The following SPTB variants were observed in gnomAD, a reference collection of about 807,000 sequenced individuals.
The protein encoded by SPTB is spectrin beta chain, erythrocytic.
SPTB carries 45 observed loss-of-function variants against 256.2 expected under a neutral mutation model. The ratio of observed to expected loss-of-function variants is 0.18; its 90% CI spans 0.14 to 0.23. SPTB has a LOEUF of 0.23. SPTB is among the 10% of genes least tolerant of loss of function. SPTB has a pLI of 1.00. For synonymous variants in SPTB, 1,231 were observed against 1,243.1 expected (o/e 0.99, Z 0.21); for missense variants, 2,715 against 3,040.4 (o/e 0.89, Z 2.52).
rs929853070 is a variant in SPTB, at chr14:64,772,900, C to G, written c.5233G>C (p.Glu1745Gln). Residue 1745 changes from glutamate (E) to glutamine (Q), a missense_variant, in exon 26 of 36, where the codon GAG becomes CAG. Glu to Gln is a conservative substitution (Grantham distance 29, BLOSUM62 2). Around this residue, in one of 4 missense-constraint regions of SPTB, gnomAD observed 2,239 missense variants for 2,384.4 expected, o/e 0.94. Transcript: ENST00000644917. This position sits in a 1 kb window ranked among gnomAD's most constrained non-coding sequence, Gnocchi z 5.4. Reference sequence around the variant, plus strand: ...AAGGCATTCACATTGTCCACCCGCTCCTGCCCAATCGCCCCGGTCTCCCGG... The same window carrying G: ...AAGGCATTCACATTGTCCACCCGCTGCTGCCCAATCGCCCCGGTCTCCCGG... ...FARETGAIGQ[E>Q]RVDNVNAFIE... is the part of the protein sequence containing the mutation. The G allele has an allele frequency of 6.2e-6, 10 of 1,605,892 alleles. No homozygotes were observed. Among genetic ancestry groups the G allele is most frequent in the Non-Finnish European group, 8.5e-6 (10 of 1,174,464 alleles).
intron 1 of SPTB, among the ~76,000 whole-genome samples, chr14:64,830,792 G>A (rs1240347765): frequency 6.6e-6 from 1 of 152,036 alleles, no homozygotes; most frequent in Non-Finnish European, 1.5e-5. Context: ...ACCATTTGGT[G>A]CTGAGCTCAC....
chr14:64,794,414 A>G, intron 13 of SPTB, 53 bp downstream of exon 13: 1 of 1,609,582 alleles, frequency 6.2e-7, no homozygotes, highest in South Asian at 1.1e-5. Flanking sequence ...GTTAGGCCAG[A>G]GGTGAGGCTC....
intron 15 of SPTB, among the ~76,000 whole-genome samples, chr14:64,788,314 G>T (rs1484139332): frequency 1.3e-5 from 2 of 152,228 alleles, no homozygotes; most frequent in Non-Finnish European, 2.9e-5. Flanking sequence ...GGGGATGGAG[G>T]CTGAGGGACT....
chr14:64,753,428 G>T, intron 33 of SPTB, 109 bp downstream of exon 33: 1 of 1,560,814 alleles, frequency 6.4e-7, no homozygotes. Context: ...GGCCAAGGCA[G>T]AAGGCACCCC....
chr14:64,796,505 G>C lies in SPTB; in HGVS notation c.1341+52C>G. Reference sequence around the variant, plus strand: ...GGACTCCAGCCCAGCCAAGAGCTGGGGGCTCTGAAGAATGTCCCCTCTCCT... The same window carrying C: ...GGACTCCAGCCCAGCCAAGAGCTGGCGGCTCTGAAGAATGTCCCCTCTCCT... On this transcript the variant is annotated intron_variant, in intron 11 of 35. Transcript: ENST00000644917. This position sits in a 1 kb window ranked among gnomAD's most constrained non-coding sequence, Gnocchi z 4.1. 1 of 1,612,726 alleles carries C rather than the reference G, an allele frequency of 6.2e-7. No individual in the cohort carries two copies. The highest frequency in any genetic ancestry group is 1.1e-5 in the South Asian group (1 of 90,990).
chr14:64,842,702 G>C (rs1041567010), intron 1 of SPTB, among the ~76,000 whole-genome samples: 5 of 152,140 alleles, frequency 3.3e-5, no homozygotes, highest in African/African-American at 9.7e-5. Context: ...CAGCTCAGAA[G>C]AACAAATTGT....
chr14:64,843,072 A>T (rs1260890870), intron 1 of SPTB, among the ~76,000 whole-genome samples: 1 of 152,114 alleles, frequency 6.6e-6, no homozygotes, highest in East Asian at 1.9e-4. Context: ...CTCAAAAAAA[A>T]AGGGGGAGGG....
At position 64,799,949 on chromosome 14, in the gene SPTB, TCTTA is replaced by T. The variant is rs1566771066; in HGVS notation, c.877-19_877-16del. ...TGGTCAATAACCTAAGGAATCATCT[TCTTA>T]CTTATTCTCATCAGAAGGGCAATGC... On this transcript the variant is annotated splice_polypyrimidine_tract_variant and intron_variant, in intron 8 of 35. Transcript: ENST00000644917. 2 of 1,613,810 alleles carry T rather than the reference TCTTA, an allele frequency of 1.2e-6. No individual in the cohort carries two copies. Among genetic ancestry groups the T allele is most frequent in the Admixed American group, 1.7e-5 (1 of 60,032 alleles).
At position 64,829,636 on chromosome 14, in the gene SPTB, T is replaced by C. The variant is rs369290875; in HGVS notation, c.-51-6491A>G. On this transcript the variant is annotated intron_variant, in intron 1 of 35. Transcript: ENST00000644917. Reference sequence around the variant, plus strand: ...GTGCTTCAGCAAAATAAGAAGCAGCTTATTGACTTGGAGTGATCTACTTAT... The same window carrying C: ...GTGCTTCAGCAAAATAAGAAGCAGCCTATTGACTTGGAGTGATCTACTTAT... 5.9e-5 allele frequency among the ~76,000 whole-genome samples: 9 copies of C among 152,362 alleles called. No homozygotes were observed. In the South Asian group the frequency reaches 1.7e-3, roughly 28 times the overall value.
intron 1 of SPTB, among the ~76,000 whole-genome samples, chr14:64,848,995 C>A (rs2083737132): frequency 6.6e-6 from 1 of 152,156 alleles, no homozygotes; most frequent in Admixed American, 6.5e-5. Flanking sequence ...GGATCATAAT[C>A]CCTTATTTGC....
rs555205181 is a variant in SPTB, at chr14:64,807,115, T to A, written c.149-2025A>T. Among the ~76,000 whole-genome samples the A allele has an allele frequency of 6.6e-6, 1 of 152,264 alleles. No homozygotes were observed. Among genetic ancestry groups the A allele is most frequent in the East Asian group, 1.9e-4 (1 of 5,188 alleles). On this transcript the variant is annotated intron_variant, in intron 2 of 35. Coordinates refer to ENST00000644917, the MANE Select transcript of SPTB (RefSeq NM_001355436.2). This position sits in a 1 kb window ranked among gnomAD's most constrained non-coding sequence, Gnocchi z 4.7. Reference sequence around the variant, plus strand: ...AACAGAGCCAGCCACAGTCCCACAGTTTTTTCCCTAGAAACCAGATCTATT... The same window carrying A: ...AACAGAGCCAGCCACAGTCCCACAGATTTTTCCCTAGAAACCAGATCTATT...
intron 15 of SPTB, among the ~76,000 whole-genome samples, chr14:64,789,470 A>G (rs11851199): frequency 0.068 from 10,343 of 152,312 alleles, 475 homozygotes; most frequent in East Asian, 0.22. Flanking sequence ...CAAAGAAAAA[A>G]TAAAAGAAGG....
Position 64,801,848 on chromosome 14 carries a change from A to C in SPTB, c.567-14T>G. 1 of 1,611,968 alleles carries C rather than the reference A, an allele frequency of 6.2e-7. No homozygotes were observed. Among genetic ancestry groups the C allele is most frequent in the Non-Finnish European group, 8.5e-7 (1 of 1,178,000 alleles). On this transcript the variant is annotated splice_polypyrimidine_tract_variant and intron_variant, in intron 5 of 35. Transcript: ENST00000644917. ...ACATGAGGGTAGCTGCATCCAAGAG[A>C]AACAGTAAGAGCTAAGAATTAGATT...
intron 4 of SPTB, 126 bp downstream of exon 4, chr14:64,803,481 T>A (rs747139824): frequency 3.7e-5 from 44 of 1,182,050 alleles, no homozygotes; most frequent in Middle Eastern, 5.5e-4. Flanking sequence ...CTGTCCCATG[T>A]GGCAGATTTA....
chr14:64,791,958 C>T, intron 14 of SPTB, 102 bp from the exon 15 acceptor site: 1 of 1,478,204 alleles, frequency 6.8e-7, no homozygotes, highest in Non-Finnish European at 9.2e-7. Context: ...CTTGCTTTCT[C>T]CTTCCACTGC....
In SPTB at chr14:64,826,514, C is replaced by T. The variant is rs1015023091; in HGVS notation, c.-51-3369G>A. 2.6e-5 allele frequency among the ~76,000 whole-genome samples: 4 copies of T among 152,182 alleles called. No homozygotes were observed. The highest frequency in any genetic ancestry group is 7.2e-5 in the African/African-American group (3 of 41,442). On this transcript the variant is annotated intron_variant, in intron 1 of 35. Transcript: ENST00000644917. The surrounding 1 kb of genome is among the most constrained non-coding windows in gnomAD (Gnocchi z 4.4). The stretch of plus-strand genomic sequence containing the variant: ...TTTTCAAAGATATAAGTCATCTGCA[C>T]ATCTAGAGTGGCCTTCCATGAGTCA...
In SPTB at chr14:64,749,403, G is replaced by T; in HGVS notation, c.6890C>A (p.Ala2297Glu). 1 of 1,608,188 alleles carries T rather than the reference G, an allele frequency of 6.2e-7. No individual in the cohort carries two copies. The highest frequency in any genetic ancestry group is 8.5e-7 in the Non-Finnish European group (1 of 1,179,730). ...INESQSIRVK[A>E]QSLPLPSLSG... Reference sequence around the variant, plus strand: ...GAGGGAAGGCAGGGGCAGGCTCTGCGCCTTGACGCGGATGCTCTGGGACTC... The same window carrying T: ...GAGGGAAGGCAGGGGCAGGCTCTGCTCCTTGACGCGGATGCTCTGGGACTC... Residue 2297 changes from alanine (A) to glutamate (E), a missense_variant, in exon 36 of 36, where the codon GCG becomes GAG. Around this residue, in one of 4 missense-constraint regions of SPTB, gnomAD observed 2,239 missense variants for 2,384.4 expected, o/e 0.94. Transcript: ENST00000644917. The surrounding 1 kb of genome is among the most constrained non-coding windows in gnomAD (Gnocchi z 4.7).
At chr14:64,878,331 C>T (rs573418754) in intron 1 of SPTB, among the ~76,000 whole-genome samples, 1 of 152,242 alleles carries the variant, frequency 6.6e-6, no homozygotes, top group East Asian at 1.9e-4. Context: ...AGCCTCCAGG[C>T]AAGCACAGGC....
chr14:64,801,735 G>A lies in SPTB; in HGVS notation c.647+19C>T, dbSNP rs2139630200. 1 of 1,611,574 alleles carries A rather than the reference G, an allele frequency of 6.2e-7. No individual in the cohort carries two copies. Among genetic ancestry groups the A allele is most frequent in the African/African-American group, 1.3e-5 (1 of 75,002 alleles). Reference sequence around the variant, plus strand: ...GAGGCTGTCTCAGTCAGTCCCCACGGCTGTCCCCTCCCTCTTACCGGTGCT... The same window carrying A: ...GAGGCTGTCTCAGTCAGTCCCCACGACTGTCCCCTCCCTCTTACCGGTGCT... On this transcript the variant is annotated intron_variant, in intron 6 of 35. Transcript: ENST00000644917.
Sources: allele counts gnomAD v4.1 joint callset (sites outside exome capture counted in the v4.1 genomes callset), GRCh38; gene constraint gnomAD v4.1.1; regional missense constraint gnomAD v4.1.1; non-coding constraint Gnocchi (gnomAD v3.1); transcripts MANE v1.5; gene names NCBI Gene and HGNC (gene_info 2026-07-23, HGNC 2026-07-21).